Variants in CA10 observed in about 807,000 individuals in gnomAD.
CA10 encodes carbonic anhydrase 10 (inactive).
Under a neutral mutation model 44.2 loss-of-function variants are expected in CA10, and 14 were observed. The observed-to-expected ratio is 0.32, with a 90% confidence interval of 0.21 to 0.50. The LOEUF (loss-of-function observed/expected upper bound fraction) is 0.50, where lower values mean the gene tolerates loss of function less well. Among genes scored for constraint, CA10 ranks in the 20% least tolerant of loss-of-function variants. The probability of loss-of-function intolerance (pLI) is 0.99; values close to 1 mark genes in which losing one functional copy is unlikely to be tolerated. For synonymous variants in CA10, 159 were observed against 141.6 expected, an observed-to-expected ratio of 1.12 and a Z score of -0.87; for missense variants, 350 against 409.7, an observed-to-expected ratio of 0.85 and a Z score of 1.26.
At chr17:52,041,334 CAG>C (rs1288600080) in intron 2 of CA10, among the ~76,000 whole-genome samples, 2 of 152,000 alleles carry the variant, frequency 1.3e-5, no homozygotes, top group African/African-American at 4.8e-5. Context: ...AATTAGAAGA[CAG>C]AAACATTGAG....
chr17:52,037,932 T>C (rs1322630870), intron 2 of CA10, among the ~76,000 whole-genome samples: 1 of 151,988 alleles, frequency 6.6e-6, no homozygotes, highest in Non-Finnish European at 1.5e-5. Flanking sequence ...GGCCCAAAAC[T>C]CTTTATAGCA....
rs58776057 is a variant in CA10 at position 52,023,570 on chromosome 17, C to T, written c.136+48749G>A. On this transcript the variant is annotated intron_variant, in intron 2 of 8. Coordinates refer to ENST00000451037, the MANE Select transcript of CA10 (RefSeq NM_020178.5). ...ACATGGCCTTAGCAAAGAATTTTGA[C>T]TAAGTCCTCAAGAACAATTGCAACA... Among the ~76,000 whole-genome samples, 10 of 152,100 alleles carry T rather than the reference C, an allele frequency of 6.6e-5. No individual in the cohort carries two copies. The Middle Eastern group carries it at 0.01, about 155-fold the overall frequency.
At chr17:51,713,279 C>G (rs1916000691) in intron 4 of CA10, among the ~76,000 whole-genome samples, 1 of 152,082 alleles carries the variant, frequency 6.6e-6, no homozygotes, top group Non-Finnish European at 1.5e-5. Flanking sequence ...CAGGCATGGT[C>G]AGAAGGAAAA....
At chr17:51,839,407 G>A (rs1978300488) in intron 3 of CA10, among the ~76,000 whole-genome samples, 1 of 145,846 alleles carries the variant, frequency 6.9e-6, no homozygotes, top group South Asian at 2.2e-4. Context: ...GCAGGAGAAT[G>A]GCATGAACCT....
At chr17:52,029,549 T>A (rs1475811348) in intron 2 of CA10, among the ~76,000 whole-genome samples, 2 of 152,022 alleles carry the variant, frequency 1.3e-5, no homozygotes, top group Non-Finnish European at 2.9e-5. Context: ...TTAGGAAGGT[T>A]GCTCAACCTC....
chr17:51,886,392 A>C lies in CA10; in HGVS notation c.279+44598T>G, dbSNP rs546145203. On this transcript the variant is annotated intron_variant, in intron 3 of 8. Transcript: ENST00000451037. Reference sequence around the variant, plus strand: ...AATCTTAGAGTCATTCTGTTAGAATAACTTGAATGCTTTTAAAAAACCTAA... The same window carrying C: ...AATCTTAGAGTCATTCTGTTAGAATCACTTGAATGCTTTTAAAAAACCTAA... 5.3e-5 allele frequency among the ~76,000 whole-genome samples: 8 copies of C among 152,328 alleles called. No homozygotes were observed. In the South Asian group the frequency reaches 8.3e-4, roughly 16 times the overall value.
At chr17:52,068,013 G>T (rs1221697745) in intron 2 of CA10, among the ~76,000 whole-genome samples, 2 of 152,326 alleles carry the variant, frequency 1.3e-5, no homozygotes, top group East Asian at 1.9e-4. Context: ...TTAAGACTTT[G>T]CAGGACAGTT....
intron 4 of CA10, among the ~76,000 whole-genome samples, chr17:51,716,519 C>A (rs1489827214): frequency 1.3e-5 from 2 of 152,148 alleles, no homozygotes; most frequent in African/African-American, 4.8e-5. Flanking sequence ...TGGCTAACTT[C>A]TCTGTCCCCT....
intron 3 of CA10, among the ~76,000 whole-genome samples, chr17:51,818,069 C>A (rs28529408): frequency 0.03 from 4,629 of 152,254 alleles, 223 homozygotes; most frequent in African/African-American, 0.1. Context: ...GACAAGGCTG[C>A]TGCCAGAATG....
At chr17:51,765,753 G>A (rs973557737) in intron 3 of CA10, among the ~76,000 whole-genome samples, 2 of 150,696 alleles carry the variant, frequency 1.3e-5, no homozygotes, top group Admixed American at 6.6e-5. Context: ...GTGTTTAGGG[G>A]GGGTTGGGTA....
intron 2 of CA10, among the ~76,000 whole-genome samples, chr17:52,055,346 G>GAA (rs10719126): frequency 1.1e-4 from 14 of 122,822 alleles, no homozygotes; most frequent in African/African-American, 4.1e-4. Flanking sequence ...TCCTTCTGGT[G>GAA]AAAAAAAAAA....
At chr17:52,157,589 GA>G in intron 1 of CA10, 136 bp downstream of exon 1, 1 of 638,950 alleles carries the variant, frequency 1.6e-6, no homozygotes, top group South Asian at 1.8e-5. Flanking sequence ...TTTTGATTCT[GA>G]AGGCGGCAAA....
At chr17:51,935,368 C>T (rs1020081942) in intron 2 of CA10, among the ~76,000 whole-genome samples, 6 of 152,130 alleles carry the variant, frequency 3.9e-5, no homozygotes, top group African/African-American at 1.2e-4. Flanking sequence ...ATACAACTTA[C>T]TGTTGAGAGA....
At chr17:52,076,718 G>A (rs1210694951) in intron 1 of CA10, among the ~76,000 whole-genome samples, 1 of 152,180 alleles carries the variant, frequency 6.6e-6, no homozygotes, top group Admixed American at 6.6e-5. Flanking sequence ...AGTACTACAA[G>A]AAGTTTATTA....
At chr17:51,884,318 T>C (rs895818807) in intron 3 of CA10, among the ~76,000 whole-genome samples, 4 of 152,162 alleles carry the variant, frequency 2.6e-5, no homozygotes, top group African/African-American at 9.7e-5. Context: ...AGTTCCTCAT[T>C]GTACTCAAAT....
intron 1 of CA10, among the ~76,000 whole-genome samples, chr17:52,114,422 A>T (rs958642780): frequency 6.6e-6 from 1 of 152,136 alleles, no homozygotes; most frequent in South Asian, 2.1e-4. Flanking sequence ...TTATCCATCC[A>T]CTGAGCCTCA....
chr17:51,953,455 G>T (rs10445340), intron 2 of CA10, among the ~76,000 whole-genome samples: 121 of 139,776 alleles, frequency 8.7e-4, no homozygotes, highest in East Asian at 6.2e-3. Flanking sequence ...GGATATTTTT[G>T]TTTTTTTTTT....
intron 2 of CA10, among the ~76,000 whole-genome samples, chr17:52,008,330 G>T (rs1251947855): frequency 2.6e-5 from 4 of 151,808 alleles, no homozygotes. Flanking sequence ...TTTTAAGTGA[G>T]ATGGTTCAGA....
At chr17:51,698,776 T>C (rs891811845) in intron 4 of CA10, among the ~76,000 whole-genome samples, 4 of 152,222 alleles carry the variant, frequency 2.6e-5, no homozygotes, top group African/African-American at 7.2e-5. Flanking sequence ...AGCTTGACTA[T>C]TTTAGATTCC....
Sources: gnomAD v4.1 joint callset for allele counts (sites outside exome capture counted in the v4.1 genomes callset) on GRCh38, gnomAD v4.1.1 for gene constraint, MANE v1.5 for transcripts, NCBI Gene and HGNC (gene_info 2026-07-23, HGNC 2026-07-21) for gene names.